Variants in RBFOX1 observed in about 807,000 individuals in gnomAD.
RBFOX1 encodes RNA binding fox-1 homolog 1.
In RBFOX1, 8 loss-of-function variants were observed where a neutral mutation model predicts 57.7. That is an observed-to-expected ratio of 0.14 (90% confidence interval 0.08 to 0.25). The LOEUF is 0.25. RBFOX1 is among the 10% of genes least tolerant of loss of function. RBFOX1 has a pLI of 1.00. For synonymous variants in RBFOX1, 326 were observed against 222.4 expected (o/e 1.47, Z -4.15); for missense variants, 611 against 548.5 (o/e 1.11, Z -1.14).
chr16:7,003,268 G>A (rs2092995590), intron 3 of RBFOX1, among the ~76,000 whole-genome samples: 1 of 151,876 alleles, frequency 6.6e-6, no homozygotes, highest in East Asian at 1.9e-4. Context: ...AGACCATCCT[G>A]GCCAACATGG....
chr16:7,256,860 C>G, intron 4 of RBFOX1, among the ~76,000 whole-genome samples: 1 of 152,264 alleles, frequency 6.6e-6, no homozygotes, highest in East Asian at 1.9e-4. Flanking sequence ...TGTCACTTCC[C>G]TATCCCCACT....
chr16:6,948,152 C>G (rs551789156), intron 3 of RBFOX1, among the ~76,000 whole-genome samples: 1 of 152,086 alleles, frequency 6.6e-6, no homozygotes, highest in East Asian at 1.9e-4. Context: ...TGCCTTTCAG[C>G]CAGGCATGGT....
chr16:5,996,326 T>G (rs1040440601), intron 4 of RBFOX1, among the ~76,000 whole-genome samples: 2 of 152,192 alleles, frequency 1.3e-5, no homozygotes, highest in African/African-American at 2.4e-5. Context: ...GGCATGCCTC[T>G]GATTTGAAAC....
At chr16:6,487,160 G>C (rs200461774) in intron 2 of RBFOX1, among the ~76,000 whole-genome samples, 8 of 123,528 alleles carry the variant, frequency 6.5e-5, no homozygotes, top group South Asian at 7.4e-4. Context: ...GTGTGTGTGT[G>C]TGTGTGTGTG....
chr16:6,852,430 G>T (rs2094121475), intron 3 of RBFOX1, among the ~76,000 whole-genome samples: 1 of 152,168 alleles, frequency 6.6e-6, no homozygotes, highest in Non-Finnish European at 1.5e-5. Flanking sequence ...ATAAGTTTCA[G>T]GGATTTTTGA....
At chr16:5,460,421 G>A (rs1219723151) in intron 1 of RBFOX1, among the ~76,000 whole-genome samples, 1 of 151,992 alleles carries the variant, frequency 6.6e-6, no homozygotes, top group African/African-American at 2.4e-5. Context: ...TAAGGGACTT[G>A]TAAGTTTCCT....
intron 4 of RBFOX1, among the ~76,000 whole-genome samples, chr16:7,161,142 T>A (rs1002210461): frequency 3.9e-5 from 6 of 152,120 alleles, no homozygotes; most frequent in Admixed American, 3.3e-4. Flanking sequence ...ACAAAATAAT[T>A]TTATACCACT....
intron 4 of RBFOX1, among the ~76,000 whole-genome samples, chr16:7,287,039 A>T: frequency 6.6e-6 from 1 of 152,166 alleles, no homozygotes; most frequent in East Asian, 1.9e-4. Flanking sequence ...AAGCTGTAGG[A>T]GTGTGAGGAT....
intron 4 of RBFOX1, among the ~76,000 whole-genome samples, chr16:7,220,761 C>A (rs932740619): frequency 6.6e-6 from 1 of 152,126 alleles, no homozygotes; most frequent in Admixed American, 6.5e-5. Context: ...AGGCCCACAT[C>A]TGACCTATCA....
At chr16:6,485,782 C>G (rs62016816) in intron 2 of RBFOX1, among the ~76,000 whole-genome samples, 29,184 of 152,038 alleles carry the variant, frequency 0.19, 2,795 homozygotes, top group Middle Eastern at 0.26. Flanking sequence ...TTGGACTAAG[C>G]TTATTTTTAC....
intron 3 of RBFOX1, among the ~76,000 whole-genome samples, chr16:5,730,341 G>A (rs549422810): frequency 3.9e-5 from 6 of 152,098 alleles, no homozygotes; most frequent in African/African-American, 9.6e-5. Flanking sequence ...ATCCAGAGGA[G>A]CATATAGATG....
intron 3 of RBFOX1, among the ~76,000 whole-genome samples, chr16:6,955,506 T>A (rs2081606346): frequency 6.6e-6 from 1 of 150,878 alleles, no homozygotes. Flanking sequence ...TCTCACGGAA[T>A]TAAATTAGCT....
At chr16:6,724,274 A>G (rs532280354) in intron 3 of RBFOX1, among the ~76,000 whole-genome samples, 6 of 150,088 alleles carry the variant, frequency 4.0e-5, no homozygotes, top group South Asian at 2.1e-4. Flanking sequence ...CAGTGGTGCA[A>G]TCTCTGCTGA....
intron 3 of RBFOX1, among the ~76,000 whole-genome samples, chr16:7,042,728 C>G (rs1488915126): frequency 6.6e-6 from 1 of 152,152 alleles, no homozygotes; most frequent in Non-Finnish European, 1.5e-5. Flanking sequence ...GAGTTCAAGA[C>G]CAGCCTGGCC....
chr16:5,819,437 G>C (rs2055765521), intron 3 of RBFOX1, among the ~76,000 whole-genome samples: 1 of 152,144 alleles, frequency 6.6e-6, no homozygotes, highest in South Asian at 2.1e-4. Context: ...TTCCATCTAT[G>C]CTCTGCTTCT....
chr16:5,869,691 C>A (rs1374926813), intron 4 of RBFOX1, among the ~76,000 whole-genome samples: 2 of 152,210 alleles, frequency 1.3e-5, no homozygotes, highest in Non-Finnish European at 2.9e-5. Flanking sequence ...GCATGAGCCA[C>A]CGCGCCCGGC....
chr16:6,649,737 G>A (rs183945244), intron 2 of RBFOX1, among the ~76,000 whole-genome samples: 1 of 151,948 alleles, frequency 6.6e-6, no homozygotes, highest in Non-Finnish European at 1.5e-5. Flanking sequence ...TATATATGTT[G>A]GGGAAGTATT....
At chr16:7,239,135 C>A (rs748323442) in intron 4 of RBFOX1, among the ~76,000 whole-genome samples, 24 of 152,100 alleles carry the variant, frequency 1.6e-4, no homozygotes, top group Non-Finnish European at 2.9e-4. Flanking sequence ...TCATTTTCTC[C>A]TTTGCCTTTC....
intron 3 of RBFOX1, among the ~76,000 whole-genome samples, chr16:5,720,045 A>C (rs2051869895): frequency 6.6e-6 from 1 of 151,928 alleles, no homozygotes; most frequent in African/African-American, 2.4e-5. Flanking sequence ...ACAATAAATG[A>C]AGCTTCAATT....
Sources: allele counts gnomAD v4.1 joint callset (sites outside exome capture counted in the v4.1 genomes callset), GRCh38; gene constraint gnomAD v4.1.1; transcripts MANE v1.5; gene names NCBI Gene and HGNC (gene_info 2026-07-23, HGNC 2026-07-21).